Variants in ARB2A observed in about 807,000 individuals in gnomAD.
ARB2A encodes the protein cotranscriptional regulator ARB2A.
the ARB2A span, among the ~76,000 whole-genome samples, chr5:94,042,200 T>C: frequency 1.3e-5 from 2 of 151,894 alleles, no homozygotes; most frequent in African/African-American, 4.8e-5. Flanking sequence ...TGTGTGTGAA[T>C]ATATTGGCTA....
At chr5:93,730,245 T>G in the ARB2A span, among the ~76,000 whole-genome samples, 1 of 152,152 alleles carries the variant, frequency 6.6e-6, no homozygotes, top group Non-Finnish European at 1.5e-5. Flanking sequence ...GGCTGCAGAT[T>G]AACTACTTTA....
the ARB2A span, chr5:93,734,705 G>A: frequency 6.6e-6 from 1 of 152,114 alleles, no homozygotes; most frequent in Non-Finnish European, 1.5e-5. Flanking sequence ...TGAAGACTTT[G>A]GAGTGTTTGA....
At chr5:93,679,525 T>C in the ARB2A span, among the ~76,000 whole-genome samples, 1 of 152,092 alleles carries the variant, frequency 6.6e-6, no homozygotes, top group Non-Finnish European at 1.5e-5. Flanking sequence ...TTTTTATTTA[T>C]ATAATCTGGT....
the ARB2A span, among the ~76,000 whole-genome samples, chr5:94,024,564 G>A: frequency 6.6e-6 from 1 of 151,538 alleles, no homozygotes; most frequent in African/African-American, 2.4e-5. Flanking sequence ...TCCCCAGCCC[G>A]CCACCCCACC....
the ARB2A span, among the ~76,000 whole-genome samples, chr5:93,741,918 T>A: frequency 1.3e-5 from 2 of 151,842 alleles, no homozygotes; most frequent in Admixed American, 6.6e-5. Context: ...TGGACCCTGA[T>A]CCCCAGGAGC....
chr5:93,847,307 GA>G, the ARB2A span, among the ~76,000 whole-genome samples: 1 of 152,002 alleles, frequency 6.6e-6, no homozygotes, highest in Admixed American at 6.6e-5. Flanking sequence ...CAATTCAACT[GA>G]AAAACGTAAT....
chr5:94,041,689 T>C, the ARB2A span, among the ~76,000 whole-genome samples: 9 of 152,202 alleles, frequency 5.9e-5, no homozygotes, highest in African/African-American at 2.2e-4. Flanking sequence ...CTAAATTATG[T>C]AGGACAGATA....
At chr5:93,756,719 T>C in the ARB2A span, among the ~76,000 whole-genome samples, 1 of 137,646 alleles carries the variant, frequency 7.3e-6, no homozygotes, top group Non-Finnish European at 1.5e-5. Flanking sequence ...AGAATCTAAA[T>C]GACAGCCTTC....
At chr5:94,102,816 C>T in the ARB2A span, among the ~76,000 whole-genome samples, 1 of 152,058 alleles carries the variant, frequency 6.6e-6, no homozygotes, top group African/African-American at 2.4e-5. Flanking sequence ...TAACAGCTGA[C>T]CTTTCAGCAG....
the ARB2A span, chr5:93,739,966 C>T: frequency 7.1e-6 from 1 of 140,790 alleles, no homozygotes; most frequent in East Asian, 2.1e-4. Context: ...TGACATGAAG[C>T]TGGGGCACCA....
chr5:93,893,269 C>T, the ARB2A span, among the ~76,000 whole-genome samples: 5 of 152,124 alleles, frequency 3.3e-5, no homozygotes, highest in African/African-American at 1.2e-4. Context: ...GAGCGGCCTC[C>T]TCACAGGCTT....
chr5:93,977,041 CAT>C, the ARB2A span, among the ~76,000 whole-genome samples: 1 of 151,346 alleles, frequency 6.6e-6, no homozygotes, highest in African/African-American at 2.4e-5. Context: ...ATACATCTAA[CAT>C]GGGAGGCAAA....
At chr5:93,883,924 T>TACACATACACACACAC in the ARB2A span, among the ~76,000 whole-genome samples, 1 of 133,906 alleles carries the variant, frequency 7.5e-6, no homozygotes, top group Non-Finnish European at 1.6e-5. Context: ...CACATACACA[T>TACACATACACACACAC]ACACACACAC....
At chr5:93,692,316 A>T in the ARB2A span, among the ~76,000 whole-genome samples, 3 of 152,224 alleles carry the variant, frequency 2.0e-5, no homozygotes, top group Admixed American at 2.0e-4. Flanking sequence ...GGCTCAAAAT[A>T]AAACAATGGA....
chr5:93,896,554 C>T, the ARB2A span, among the ~76,000 whole-genome samples: 1 of 151,932 alleles, frequency 6.6e-6, no homozygotes, highest in Non-Finnish European at 1.5e-5. Context: ...AATCCAAAAA[C>T]CAAAACACTT....
chr5:94,102,373 A>G, the ARB2A span, among the ~76,000 whole-genome samples: 510 of 152,278 alleles, frequency 3.3e-3, 4 homozygotes, highest in Non-Finnish European at 5.0e-3. Context: ...GAATTTCATA[A>G]TACAATCAGA....
the ARB2A span, among the ~76,000 whole-genome samples, chr5:93,936,249 C>T: frequency 6.6e-6 from 1 of 152,118 alleles, no homozygotes; most frequent in Non-Finnish European, 1.5e-5. Context: ...TTTATTAATA[C>T]TTCTAAGTGG....
chr5:93,748,586 T>C, the ARB2A span, among the ~76,000 whole-genome samples: 2 of 152,188 alleles, frequency 1.3e-5, no homozygotes, highest in South Asian at 4.1e-4. Flanking sequence ...TAATTATTAA[T>C]AACAACTACA....
chr5:93,754,042 G>A, the ARB2A span, among the ~76,000 whole-genome samples: 6 of 152,126 alleles, frequency 3.9e-5, no homozygotes, highest in African/African-American at 1.4e-4. Context: ...CCTTGTCTGT[G>A]ATGCCTAGAG....
Sources: gnomAD v4.1 joint callset for allele counts (sites outside exome capture counted in the v4.1 genomes callset) on GRCh38, gnomAD v4.1.1 for gene constraint, MANE v1.5 for transcripts, NCBI Gene and HGNC (gene_info 2026-07-23, HGNC 2026-07-21) for gene names.